Variants in CA4 observed in about 807,000 individuals in gnomAD.
CA4 encodes the protein carbonic anhydrase 4.
In CA4, 24 loss-of-function variants were observed where a neutral mutation model predicts 34.5. The observed-to-expected ratio is 0.70, with a 90% confidence interval of 0.50 to 0.98. CA4 has a LOEUF of 0.98. Among genes scored for constraint, CA4 ranks in the 50% least tolerant of loss-of-function variants. The pLI is 0.00. For synonymous variants in CA4, 178 were observed against 170.6 expected (o/e 1.04, Z -0.34); for missense variants, 394 against 396.7 (o/e 0.99, Z 0.06).
At chr17:60,165,057 A>T (rs2083841443) in intron 5 of CA4, among the ~76,000 whole-genome samples, 1 of 152,188 alleles carries the variant, frequency 6.6e-6, no homozygotes, top group South Asian at 2.1e-4. Flanking sequence ...AAGAGGAGAT[A>T]TTCAATAATT....
intron 1 of CA4, among the ~76,000 whole-genome samples, chr17:60,152,858 G>C (rs2083616006): frequency 6.6e-6 from 1 of 152,186 alleles, no homozygotes; most frequent in Non-Finnish European, 1.5e-5. Flanking sequence ...TCCATTTTGG[G>C]TGAGAGCTAG....
At chr17:60,163,128 A>G (rs1426164545), downstream of CA4, among the ~76,000 whole-genome samples, 1 of 144,406 alleles carries the variant, frequency 6.9e-6, no homozygotes, top group African/African-American at 2.6e-5. Context: ...TGTGGCTCTG[A>G]TCTGACAATG....
chr17:60,169,722 C>T (rs1273579845), intron 5 of CA4, among the ~76,000 whole-genome samples: 2 of 152,158 alleles, frequency 1.3e-5, no homozygotes, highest in South Asian at 4.1e-4. Context: ...ATCTCCTGAC[C>T]TCGTGATCCA....
the CA4 span, among the ~76,000 whole-genome samples, chr17:60,177,340 A>C: frequency 6.6e-6 from 1 of 152,252 alleles, no homozygotes; most frequent in Non-Finnish European, 1.5e-5. Context: ...CGGTACATCA[A>C]CACTATTTTA....
At chr17:60,170,407 A>T (rs2145312006) in intron 5 of CA4, 1 of 152,278 alleles carries the variant, frequency 6.6e-6, no homozygotes, top group Admixed American at 6.5e-5. Context: ...GATCACACCC[A>T]TGTTAAATCT....
downstream of CA4, among the ~76,000 whole-genome samples, chr17:60,162,689 C>G (rs1404507071): frequency 1.3e-5 from 2 of 152,166 alleles, no homozygotes; most frequent in Non-Finnish European, 2.9e-5. Context: ...CTGGCCGGCA[C>G]TCAGCACAGC....
chr17:60,168,104 C>CT (rs2083873069), intron 5 of CA4, among the ~76,000 whole-genome samples: 1 of 151,546 alleles, frequency 6.6e-6, no homozygotes, highest in Non-Finnish European at 1.5e-5. Context: ...AGGAGGGACT[C>CT]TGAGTTCAGT....
At chr17:60,170,401 A>G (rs890135079) in intron 5 of CA4, 2 of 152,192 alleles carry the variant, frequency 1.3e-5, no homozygotes, top group African/African-American at 4.8e-5. Context: ...TGAAATGATC[A>G]CACCCATGTT....
rs752851399 is a variant in CA4 at position 60,155,301 on chromosome 17, C to T, written c.59-13C>T. On this transcript the variant is annotated splice_polypyrimidine_tract_variant and intron_variant, in intron 1 of 7. Coordinates refer to ENST00000300900, the MANE Select transcript of CA4 (RefSeq NM_000717.5). ...CACGCACGCACACTTCACACCCTTC[C>T]TCTCTGCTCCAGAGTCACACTGGTG... 21 of 1,610,778 alleles carry T rather than the reference C, an allele frequency of 1.3e-5. No homozygotes were observed. The South Asian group carries it at 2.2e-4, about 17-fold the overall frequency.
intron 5 of CA4, among the ~76,000 whole-genome samples, chr17:60,164,986 G>A (rs2083840763): frequency 6.6e-6 from 1 of 152,200 alleles, no homozygotes; most frequent in Non-Finnish European, 1.5e-5. Context: ...TCTGTGAAAT[G>A]GGGGTGATGA....
chr17:60,173,727 G>C (rs113501935), downstream of CA4, among the ~76,000 whole-genome samples: 223 of 152,360 alleles, frequency 1.5e-3, 2 homozygotes, highest in Admixed American at 4.6e-3. Context: ...GGCTGTGAAA[G>C]AGCTTCCTCT....
chr17:60,178,258 T>C, the CA4 span, among the ~76,000 whole-genome samples: 4 of 152,196 alleles, frequency 2.6e-5, no homozygotes, highest in Non-Finnish European at 5.9e-5. Context: ...GCAAGTTCAT[T>C]TGCATGTGTT....
In CA4 at chr17:60,157,687, C is replaced by A; in HGVS notation, c.415-3C>A. The A allele has an allele frequency of 1.9e-6, 3 of 1,613,496 alleles. No individual in the cohort carries two copies. Among genetic ancestry groups the A allele is most frequent in the Non-Finnish European group, 2.5e-6 (3 of 1,179,388 alleles). The stretch of plus-strand genomic sequence containing the variant: ...CCCCTTTTCACCCCTCCACCCCGAC[C>A]AGATGCACATAGTACATGAGAAAGA... On this transcript the variant is annotated splice_region_variant and splice_polypyrimidine_tract_variant and intron_variant, in intron 4 of 7. Coordinates refer to ENST00000300900, the MANE Select transcript of CA4 (RefSeq NM_000717.5).
At chr17:60,164,243 T>TCTTC (rs1186489804), downstream of CA4, among the ~76,000 whole-genome samples, 1 of 146,890 alleles carries the variant, frequency 6.8e-6, no homozygotes, top group African/African-American at 2.5e-5. Context: ...TCTCTTTCTT[T>TCTTC]CTTCCTTCCT....
chr17:60,158,136 G>T lies in CA4; in HGVS notation c.580+9G>T. On this transcript the variant is annotated intron_variant, in intron 6 of 7. Transcript: ENST00000300900. ...TAATATCCCCAAACCTGGTGAGTCA[G>T]GATGGGGGAGAAGGGCTTGGGGTGA... 1 of 1,613,984 alleles carries T rather than the reference G, an allele frequency of 6.2e-7. No homozygotes were observed. The highest frequency in any genetic ancestry group is 1.1e-5 in the South Asian group (1 of 91,086).
chr17:60,176,421 A>G, the CA4 span, among the ~76,000 whole-genome samples: 1 of 151,240 alleles, frequency 6.6e-6, no homozygotes, highest in Admixed American at 6.6e-5. Flanking sequence ...TCTTCTCAAC[A>G]CTGCCAACTG....
At chr17:60,155,890 G>A (rs115135473) in intron 2 of CA4, among the ~76,000 whole-genome samples, 138 of 152,330 alleles carry the variant, frequency 9.1e-4, no homozygotes, top group African/African-American at 3.2e-3. Flanking sequence ...ACCCCTTGCA[G>A]GGTGCCTGAG....
downstream of CA4, among the ~76,000 whole-genome samples, chr17:60,162,528 G>A (rs922618235): frequency 4.7e-5 from 7 of 150,192 alleles, no homozygotes; most frequent in African/African-American, 7.4e-5. Flanking sequence ...CTGAGGCCCC[G>A]TGGGTGACTG....
chr17:60,150,135 C>G (rs1179656342), intron 1 of CA4, 43 bp downstream of exon 1: 2 of 1,502,592 alleles, frequency 1.3e-6, no homozygotes, highest in African/African-American at 1.4e-5. Context: ...TCGGCGGTCC[C>G]CTCCGTGCCC....
Sources: allele counts gnomAD v4.1 joint callset (sites outside exome capture counted in the v4.1 genomes callset), GRCh38; gene constraint gnomAD v4.1.1; transcripts MANE v1.5; gene names NCBI Gene and HGNC (gene_info 2026-07-23, HGNC 2026-07-21).